PDK1: variants seen among roughly 807,000 people sequenced by gnomAD.
PDK1 encodes pyruvate dehydrogenase kinase 1, also known as [Pyruvate dehydrogenase (acetyl-transferring)] kinase isozyme 1, mitochondrial.
In PDK1, 39 loss-of-function variants were observed where a neutral mutation model predicts 54.2. That is an observed-to-expected ratio of 0.72 (90% confidence interval 0.56 to 0.94). PDK1 has a LOEUF of 0.94. PDK1 is among the 40% of genes least tolerant of loss of function. PDK1 has a pLI of 0.00. For missense variants in PDK1, 552 were observed against 566.0 expected (o/e 0.98, Z 0.25); for synonymous variants, 221 against 207.1 (o/e 1.07, Z -0.58).
the PDK1 span, chr2:172,674,651 G>T: frequency 3.9e-5 from 6 of 152,354 alleles, no homozygotes; most frequent in African/African-American, 7.2e-5. Context: ...TCCCGATGAA[G>T]ATTTTCTCTC....
At chr2:172,720,586 C>G in the PDK1 span, among the ~76,000 whole-genome samples, 2 of 152,270 alleles carry the variant, frequency 1.3e-5, no homozygotes, top group South Asian at 4.1e-4. Flanking sequence ...TCAAGGCAGC[C>G]AAACTGCCTT....
chr2:172,598,511 G>A lies in PDK1; in HGVS notation c.*2542G>A, dbSNP rs1301612365. On this transcript the variant is annotated 3_prime_UTR_variant, in exon 11 of 11. Coordinates refer to ENST00000282077, the MANE Select transcript of PDK1 (RefSeq NM_002610.5). ...TGTCCACCAGCATTAATGTAACACA[G>A]TGTAGTTATGAAAATATATTGAAGG... 6.6e-6 allele frequency: 1 copy of A among 152,178 alleles called. No homozygotes were observed. The highest frequency in any genetic ancestry group is 1.5e-5 in the Non-Finnish European group (1 of 68,028). The allele number at this position is 152,178 out of a possible 1,614,324, so 9.4% of individuals were successfully genotyped here.
intron 8 of PDK1, among the ~76,000 whole-genome samples, chr2:172,576,988 A>C (rs1689616493): frequency 6.6e-6 from 1 of 152,156 alleles, no homozygotes; most frequent in Non-Finnish European, 1.5e-5. Context: ...GTGTTGTACA[A>C]GCTTGTCTTT....
the PDK1 span, among the ~76,000 whole-genome samples, chr2:172,629,819 G>A: frequency 2.0e-5 from 3 of 152,158 alleles, no homozygotes; most frequent in Non-Finnish European, 2.9e-5. Flanking sequence ...TTGGCCAGAA[G>A]TGCTCATCCT....
At chr2:172,556,377 T>A in intron 1 of PDK1, 31 bp downstream of exon 1, 1 of 1,381,780 alleles carries the variant, frequency 7.2e-7, no homozygotes, top group East Asian at 2.8e-5. Context: ...TGGGCCTTTT[T>A]GCGCGGTCCC....
the PDK1 span, among the ~76,000 whole-genome samples, chr2:172,621,946 G>A: frequency 2.0e-5 from 3 of 146,434 alleles, no homozygotes; most frequent in Non-Finnish European, 4.5e-5. Flanking sequence ...TCTCATATAT[G>A]TGGTATATTT....
At chr2:172,580,744 T>C (rs1043003923) in intron 8 of PDK1, among the ~76,000 whole-genome samples, 2 of 152,324 alleles carry the variant, frequency 1.3e-5, no homozygotes, top group African/African-American at 2.4e-5. Flanking sequence ...AAATGTGGTA[T>C]GTCCATACAG....
chr2:172,587,994 A>C (rs1342758031), intron 9 of PDK1, among the ~76,000 whole-genome samples: 2 of 152,160 alleles, frequency 1.3e-5, no homozygotes, highest in East Asian at 3.9e-4. Flanking sequence ...AAGTTCTCCA[A>C]GTCCCCACCC....
chr2:172,566,780 T>A, intron 5 of PDK1, 76 bp from the exon 6 acceptor site: 1 of 841,430 alleles, frequency 1.2e-6, no homozygotes, highest in Non-Finnish European at 1.9e-6. Context: ...GATTTGTCAA[T>A]ACCATTGCCA....
chr2:172,627,945 C>T, the PDK1 span, among the ~76,000 whole-genome samples: 47 of 152,204 alleles, frequency 3.1e-4, no homozygotes, highest in Non-Finnish European at 4.9e-4. Context: ...TTTCTTCCCG[C>T]GGGGCGTGGA....
chr2:172,583,299 T>G (rs1574509008), intron 8 of PDK1, among the ~76,000 whole-genome samples: 1 of 137,284 alleles, frequency 7.3e-6, no homozygotes, highest in Admixed American at 7.3e-5. Flanking sequence ...TTTTTTTTTT[T>G]TTTTTTTTTT....
Position 172,572,063 on chromosome 2 carries a change from C to T in PDK1, c.945+1239C>T, listed in dbSNP as rs113807611. On this transcript the variant is annotated intron_variant, in intron 8 of 10. Coordinates refer to ENST00000282077, the MANE Select transcript of PDK1 (RefSeq NM_002610.5). ...GCCAGGCTGGTCTCGAACTCGACCT[C>T]GTGTTATCCGCCTGCCTCGGCCTCC... Among the ~76,000 whole-genome samples, 121 of 152,190 alleles carry T rather than the reference C, an allele frequency of 8.0e-4. 1 individual carries two copies. The highest frequency in any genetic ancestry group is 2.9e-3 in the African/African-American group (119 of 41,528).
the PDK1 span, among the ~76,000 whole-genome samples, chr2:172,663,232 T>C: frequency 1.3e-5 from 2 of 152,188 alleles, no homozygotes; most frequent in African/African-American, 4.8e-5. Context: ...TTCCTCTGAG[T>C]CTATGTCCTT....
At chr2:172,719,037 T>C in the PDK1 span, among the ~76,000 whole-genome samples, 1 of 152,206 alleles carries the variant, frequency 6.6e-6, no homozygotes, top group African/African-American at 2.4e-5. Flanking sequence ...CTTTATAATC[T>C]GGCCTTTTCT....
chr2:172,563,489 G>C (rs1479716607), intron 3 of PDK1, among the ~76,000 whole-genome samples: 1 of 152,218 alleles, frequency 6.6e-6, no homozygotes, highest in East Asian at 1.9e-4. Flanking sequence ...TCATTTGGAA[G>C]TGTAAATTCA....
At position 172,604,819 on chromosome 2, in the gene PDK1, C is replaced by T. The variant is rs1191687308; in HGVS notation, c.*8850C>T. ...GTTTTGTGCCACAATATGATGTGGC[C>T]AGACTACTTTTCTAGTTTCGAGATT... On this transcript the variant is annotated 3_prime_UTR_variant, in exon 11 of 11. Coordinates refer to ENST00000282077, the MANE Select transcript of PDK1 (RefSeq NM_002610.5). 6.6e-6 allele frequency: 1 copy of T among 152,198 alleles called. No individual in the cohort carries two copies. The highest frequency in any genetic ancestry group is 1.5e-5 in the Non-Finnish European group (1 of 68,054). The allele number at this position is 152,198 out of a possible 1,614,324, so 9.4% of individuals were successfully genotyped here. A position where few individuals can be genotyped will look rare whatever the true frequency, so the allele number is the denominator to read the frequency against.
the PDK1 span, among the ~76,000 whole-genome samples, chr2:172,621,840 ATGTATGATACATGTTTATATCTCATATG>A: frequency 1.5e-3 from 180 of 118,394 alleles, no homozygotes; most frequent in South Asian, 2.8e-3. Flanking sequence ...TATATCTCAT[ATGTATGATACATGTTTATATCTCATATG>A]TATGATATAT....
chr2:172,653,930 AAAAC>A, the PDK1 span, among the ~76,000 whole-genome samples: 26 of 152,344 alleles, frequency 1.7e-4, no homozygotes, highest in African/African-American at 2.4e-4. Flanking sequence ...TTACAAGAAA[AAAAC>A]AAACAACCCC....
At chr2:172,591,367 G>C (rs1426156366) in intron 9 of PDK1, among the ~76,000 whole-genome samples, 1 of 152,198 alleles carries the variant, frequency 6.6e-6, no homozygotes, top group African/African-American at 2.4e-5. Context: ...TGACTGGTTA[G>C]TGTAAAAACA....
Sources: allele counts gnomAD v4.1 joint callset (sites outside exome capture counted in the v4.1 genomes callset), GRCh38; gene constraint gnomAD v4.1.1; transcripts MANE v1.5; gene names NCBI Gene and HGNC (gene_info 2026-07-23, HGNC 2026-07-21).